SHANK2: variants seen among roughly 807,000 people sequenced by gnomAD.
The protein encoded by SHANK2 is SH3 and multiple ankyrin repeat domains 2.
Under a neutral mutation model 133.7 loss-of-function variants are expected in SHANK2, and 43 were observed. The ratio of observed to expected loss-of-function variants is 0.32; its 90% CI spans 0.25 to 0.41. The LOEUF (loss-of-function observed/expected upper bound fraction) is 0.41, where lower values mean the gene tolerates loss of function less well. SHANK2 is among the 10% of genes least tolerant of loss of function. SHANK2 has a pLI of 1.00. For synonymous variants in SHANK2, 1,017 were observed against 952.8 expected (o/e 1.07, Z -1.24); for missense variants, 1,994 against 2,235.8 (o/e 0.89, Z 2.18).
intron 15 of SHANK2, among the ~76,000 whole-genome samples, chr11:70,696,484 A>C (rs1321549142): frequency 6.6e-6 from 1 of 152,210 alleles, no homozygotes; most frequent in African/African-American, 2.4e-5. Flanking sequence ...TTCTACAGGC[A>C]GCCTTCTGCT....
rs542564848 is a variant in SHANK2, at chr11:70,802,032, C to T, written c.1664-3476G>A. Among the ~76,000 whole-genome samples the T allele has an allele frequency of 2.6e-5, 4 of 152,192 alleles. No homozygotes were observed. The South Asian group carries it at 8.3e-4, about 32-fold the overall frequency. On this transcript the variant is annotated intron_variant, in intron 13 of 25. Coordinates refer to ENST00000601538, the MANE Select transcript of SHANK2 (RefSeq NM_012309.5). ...GGGGTGCGGCGAGACTTGGGGCAAC[C>T]CTGCAGGAAGAGGCAGTGCTTTGAA... is the stretch of plus-strand genomic sequence containing the variant.
chr11:70,587,666 G>A (rs1554987145), intron 17 of SHANK2, among the ~76,000 whole-genome samples: 2 of 150,238 alleles, frequency 1.3e-5, no homozygotes, highest in Non-Finnish European at 3.0e-5. Flanking sequence ...ACAAACTGAA[G>A]GTTTATGGCA....
intron 11 of SHANK2, among the ~76,000 whole-genome samples, chr11:70,832,639 G>C (rs191081500): frequency 6.6e-6 from 1 of 152,180 alleles, no homozygotes; most frequent in East Asian, 1.9e-4. Context: ...CACTTTACTA[G>C]GTTCACCAGG....
intron 2 of SHANK2, among the ~76,000 whole-genome samples, chr11:71,171,275 G>A (rs1953308628): frequency 6.6e-6 from 1 of 152,230 alleles, no homozygotes. Context: ...CGGGCTGTCT[G>A]CAGGCTGGAG....
intron 17 of SHANK2, among the ~76,000 whole-genome samples, chr11:70,584,120 G>A (rs1175250902): frequency 1.3e-5 from 2 of 152,158 alleles, no homozygotes; most frequent in African/African-American, 4.8e-5. Context: ...ACCTGCCAGC[G>A]CTTTGGCTCC....
At chr11:70,484,840 G>A (rs1555152528) in intron 25 of SHANK2, among the ~76,000 whole-genome samples, 2 of 152,172 alleles carry the variant, frequency 1.3e-5, no homozygotes, top group Non-Finnish European at 2.9e-5. Context: ...TGGTAGTGAT[G>A]GGAGGGGAAG....
chr11:71,085,385 G>A (rs2136018116), intron 8 of SHANK2, among the ~76,000 whole-genome samples: 1 of 147,130 alleles, frequency 6.8e-6, no homozygotes, highest in East Asian at 2.0e-4. Flanking sequence ...GAACTCAGGA[G>A]GCGGAGGTTG....
At chr11:70,626,157 C>A (rs1428656433) in intron 17 of SHANK2, among the ~76,000 whole-genome samples, 1 of 152,228 alleles carries the variant, frequency 6.6e-6, no homozygotes, top group African/African-American at 2.4e-5. Flanking sequence ...ACGGAAAACA[C>A]CCCCAGCAGC....
chr11:70,886,240 G>T (rs782361439), intron 11 of SHANK2, among the ~76,000 whole-genome samples: 1 of 152,240 alleles, frequency 6.6e-6, no homozygotes, highest in Non-Finnish European at 1.5e-5. Flanking sequence ...TGCTGTGTCT[G>T]TTGGGGGTTT....
chr11:70,488,323 A>C (rs2058840998), intron 24 of SHANK2, among the ~76,000 whole-genome samples: 1 of 152,144 alleles, frequency 6.6e-6, no homozygotes, highest in Non-Finnish European at 1.5e-5. Context: ...TCCAGATGGC[A>C]CTTGAGCCCC....
intron 10 of SHANK2, among the ~76,000 whole-genome samples, chr11:70,913,292 T>G (rs1555079363): frequency 2.0e-5 from 3 of 151,854 alleles, no homozygotes; most frequent in Non-Finnish European, 4.4e-5. Context: ...TTATGACAAC[T>G]TGGACCCTTC....
chr11:70,607,068 C>T (rs2060588418), intron 17 of SHANK2, among the ~76,000 whole-genome samples: 1 of 152,152 alleles, frequency 6.6e-6, no homozygotes, highest in Admixed American at 6.5e-5. Flanking sequence ...GTCCAAAATC[C>T]ACACTCGGAT....
intron 15 of SHANK2, among the ~76,000 whole-genome samples, chr11:70,692,154 A>G (rs1201839657): frequency 1.3e-5 from 2 of 152,178 alleles, no homozygotes; most frequent in Middle Eastern, 6.3e-3. Context: ...ATAAAAATAC[A>G]AAATAATGGC....
intron 2 of SHANK2, among the ~76,000 whole-genome samples, chr11:71,178,457 A>G (rs1376099524): frequency 6.6e-6 from 1 of 152,238 alleles, no homozygotes; most frequent in Non-Finnish European, 1.5e-5. Context: ...TTTAATGGGC[A>G]CAGAGATTTT....
intron 11 of SHANK2, among the ~76,000 whole-genome samples, chr11:70,862,141 C>A (rs2135505892): frequency 6.6e-6 from 1 of 152,318 alleles, no homozygotes; most frequent in East Asian, 1.9e-4. Flanking sequence ...GATCTAAGCA[C>A]CAGACACTGA....
intron 15 of SHANK2, among the ~76,000 whole-genome samples, chr11:70,692,112 T>G (rs1945302125): frequency 6.6e-6 from 1 of 152,126 alleles, no homozygotes; most frequent in Admixed American, 6.5e-5. Context: ...GATAAAGCCT[T>G]CTTTTCAAGT....
intron 11 of SHANK2, among the ~76,000 whole-genome samples, chr11:70,895,845 A>G (rs1287990146): frequency 1.3e-5 from 2 of 151,974 alleles, no homozygotes; most frequent in Non-Finnish European, 2.9e-5. Context: ...GATTTTTAAA[A>G]AAGATGTCAT....
intron 25 of SHANK2, among the ~76,000 whole-genome samples, chr11:70,482,020 G>A (rs782763358): frequency 7.9e-5 from 12 of 152,228 alleles, no homozygotes; most frequent in South Asian, 2.1e-4. Context: ...AGTGTGTCCC[G>A]TGGCCGTGGC....
intron 6 of SHANK2, among the ~76,000 whole-genome samples, chr11:71,109,120 G>A (rs1951847797): frequency 6.6e-6 from 1 of 152,214 alleles, no homozygotes; most frequent in Non-Finnish European, 1.5e-5. Flanking sequence ...CAAGAGGGGA[G>A]GGAGTCCAGG....
Sources: allele counts gnomAD v4.1 joint callset (sites outside exome capture counted in the v4.1 genomes callset), GRCh38; gene constraint gnomAD v4.1.1; transcripts MANE v1.5; gene names NCBI Gene and HGNC (gene_info 2026-07-23, HGNC 2026-07-21).